ELAVL4: variants seen among roughly 807,000 people sequenced by gnomAD.
ELAVL4 encodes ELAV-like protein 4.
ELAVL4 carries 1 observed loss-of-function variant against 35.6 expected under a neutral mutation model. The ratio of observed to expected loss-of-function variants is 0.03; its 90% CI spans 0.01 to 0.13. ELAVL4 has a LOEUF of 0.13. Ranked by LOEUF, ELAVL4 falls within the 10% of genes least tolerant of loss-of-function variation. ELAVL4 has a pLI of 1.00. For missense variants in ELAVL4, 267 were observed against 464.9 expected (o/e 0.57, Z 3.91); for synonymous variants, 156 against 171.0 (o/e 0.91, Z 0.69).
At chr1:50,090,948 G>A (rs1665466507) in intron 1 of ELAVL4, among the ~76,000 whole-genome samples, 1 of 152,200 alleles carries the variant, frequency 6.6e-6, no homozygotes, top group Admixed American at 6.5e-5. Context: ...TAGTGAATGA[G>A]CTCCCTTTCA....
chr1:50,092,695 T>G (rs921579550), intron 1 of ELAVL4, among the ~76,000 whole-genome samples: 6 of 152,138 alleles, frequency 3.9e-5, no homozygotes, highest in Non-Finnish European at 8.8e-5. Context: ...AGGGACTGCT[T>G]GGTGATTTTT....
intron 2 of ELAVL4, among the ~76,000 whole-genome samples, chr1:50,158,236 G>A (rs1416052544): frequency 2.0e-5 from 3 of 152,200 alleles, no homozygotes; most frequent in Non-Finnish European, 4.4e-5. Flanking sequence ...TTTTATAGAT[G>A]AGGAAACAGC....
In ELAVL4 at chr1:50,094,182, A is replaced by C. The variant is rs1189575951; in HGVS notation, c.18+46000A>C. Among the ~76,000 whole-genome samples, 3 of 152,244 alleles carry C rather than the reference A, an allele frequency of 2.0e-5. No homozygotes were observed. The South Asian group carries it at 6.2e-4, about 31-fold the overall frequency. On this transcript the variant is annotated intron_variant, in intron 1 of 6. Transcript: ENST00000448907. ...GTTGCATTTGTTAATTTATTTAACTATCATTTATTATGAATCAGATATAAG... is the reference window on the plus strand; with the variant it reads ...GTTGCATTTGTTAATTTATTTAACTCTCATTTATTATGAATCAGATATAAG...
Position 50,155,034 on chromosome 1 carries a change from T to C in ELAVL4, c.250+9837T>C, listed in dbSNP as rs188336789. On this transcript the variant is annotated intron_variant, in intron 2 of 6. Coordinates refer to ENST00000371824, the MANE Select transcript of ELAVL4 (RefSeq NM_001144774.3). ...TTTGAGTTTTCTTTTTTTTTAATTA[T>C]TATTATACTTTAAGTTTTAGGGTAC... 2.7e-3 allele frequency among the ~76,000 whole-genome samples: 404 copies of C among 152,092 alleles called. 4 individuals are homozygous for C. Among genetic ancestry groups the C allele is most frequent in the African/African-American group, 9.4e-3 (391 of 41,496 alleles).
intron 2 of ELAVL4, 105 bp downstream of exon 2, chr1:50,145,302 A>G: frequency 1.3e-6 from 2 of 1,521,452 alleles, no homozygotes; most frequent in Middle Eastern, 1.8e-4. Context: ...TGTACCCTGC[A>G]TGCAAGATGG....
chr1:50,156,524 G>A (rs1186199926), intron 2 of ELAVL4, among the ~76,000 whole-genome samples: 1 of 152,162 alleles, frequency 6.6e-6, no homozygotes, highest in Non-Finnish European at 1.5e-5. Flanking sequence ...ATTCCAAGTA[G>A]GAAGTAGGAG....
chr1:50,163,690 G>T (rs867677029), intron 2 of ELAVL4, among the ~76,000 whole-genome samples: 9 of 152,138 alleles, frequency 5.9e-5, no homozygotes, highest in Admixed American at 3.9e-4. Flanking sequence ...GGCGGGAGTG[G>T]TGGTTCATGC....
intron 1 of ELAVL4, among the ~76,000 whole-genome samples, chr1:50,096,509 A>G (rs1480149049): frequency 1.3e-5 from 2 of 151,518 alleles, no homozygotes; most frequent in Non-Finnish European, 2.9e-5. Flanking sequence ...GGAAACTTAA[A>G]TAAAGACAAA....
At chr1:50,083,883 A>G (rs574528194) in intron 1 of ELAVL4, among the ~76,000 whole-genome samples, 2 of 152,256 alleles carry the variant, frequency 1.3e-5, no homozygotes, top group East Asian at 3.9e-4. Context: ...GTCAATAACT[A>G]CTTGTTTGGT....
intron 1 of ELAVL4, among the ~76,000 whole-genome samples, chr1:50,085,980 A>G (rs568707678): frequency 1.4e-4 from 22 of 152,206 alleles, no homozygotes; most frequent in African/African-American, 4.3e-4. Flanking sequence ...TGTAAGTCCT[A>G]TTTGGGGTAA....
At chr1:50,120,536 G>A (rs1472869115) in intron 1 of ELAVL4, among the ~76,000 whole-genome samples, 1 of 151,984 alleles carries the variant, frequency 6.6e-6, no homozygotes, top group African/African-American at 2.4e-5. Flanking sequence ...AATGTCTTAG[G>A]TCAGAGGACT....
At chr1:50,151,125 CT>C (rs755837065) in intron 2 of ELAVL4, among the ~76,000 whole-genome samples, 226 of 152,264 alleles carry the variant, frequency 1.5e-3, no homozygotes, top group Admixed American at 3.7e-3. Flanking sequence ...CGTGACTTAG[CT>C]TCCAAGTTAA....
At chr1:50,194,895 T>C (rs80107762) in intron 4 of ELAVL4, among the ~76,000 whole-genome samples, 86 of 152,248 alleles carry the variant, frequency 5.6e-4, no homozygotes, top group Non-Finnish European at 1.0e-3. Context: ...AGGCATGGAA[T>C]CGAGGAAGAA....
At chr1:50,072,670 G>T (rs1298670355) in intron 1 of ELAVL4, among the ~76,000 whole-genome samples, 1 of 152,164 alleles carries the variant, frequency 6.6e-6, no homozygotes, top group Non-Finnish European at 1.5e-5. Flanking sequence ...CCTTGCAACT[G>T]CTGGGAATGA....
At chr1:50,051,731 T>A (rs955470872) in intron 1 of ELAVL4, among the ~76,000 whole-genome samples, 5 of 152,186 alleles carry the variant, frequency 3.3e-5, no homozygotes, top group African/African-American at 1.2e-4. Context: ...ATTTTTAAAA[T>A]CTATTTCATC....
At position 50,167,364 on chromosome 1, in the gene ELAVL4, A is replaced by G. The variant is rs572371506; in HGVS notation, c.251-9725A>G. On this transcript the variant is annotated intron_variant, in intron 2 of 6. Transcript: ENST00000371824. ...GTTGTGTGGAATACCATGATGGTGG[A>G]TAAGGCATTCCGTGAATCCATGGAT... Among the ~76,000 whole-genome samples, 4 of 152,310 alleles carry G rather than the reference A, an allele frequency of 2.6e-5. No homozygotes were observed. In the East Asian group the frequency reaches 7.7e-4, roughly 29 times the overall value.
Position 50,200,838 on chromosome 1 carries a change from C to G in ELAVL4, c.774-13C>G, listed in dbSNP as rs760313718. 1.2e-6 allele frequency: 2 copies of G among 1,610,060 alleles called. No individual in the cohort carries two copies. Among genetic ancestry groups the G allele is most frequent in the South Asian group, 2.2e-5 (2 of 90,022 alleles). ...ATGTCTGGACCAGTCCCCCCTTCTG[C>G]TTGTCCCCCCAGGTTCTCCCCAATT... On this transcript the variant is annotated splice_polypyrimidine_tract_variant and intron_variant, in intron 6 of 6. Transcript: ENST00000371824.
At chr1:50,106,256 A>C, upstream of ELAVL4, 1 of 1,557,176 alleles carries the variant, frequency 6.4e-7, no homozygotes, top group Non-Finnish European at 8.8e-7. Flanking sequence ...TCTGTGTGGG[A>C]AAGCTGGCTG....
chr1:50,059,548 T>C (rs1220759175), intron 1 of ELAVL4, among the ~76,000 whole-genome samples: 6 of 151,246 alleles, frequency 4.0e-5, no homozygotes, highest in South Asian at 4.2e-4. Context: ...GGTGAGGAGG[T>C]TTTTTAAAAA....
Sources: allele counts gnomAD v4.1 joint callset (sites outside exome capture counted in the v4.1 genomes callset), GRCh38; gene constraint gnomAD v4.1.1; transcripts MANE v1.5; gene names NCBI Gene and HGNC (gene_info 2026-07-23, HGNC 2026-07-21).